The following AP3S2 variants were observed in gnomAD, a reference collection of about 807,000 sequenced individuals.
The protein encoded by AP3S2 is adaptor related protein complex 3 subunit sigma 2.
Under a neutral mutation model 23.4 loss-of-function variants are expected in AP3S2, and 22 were observed. That is an observed-to-expected ratio of 0.94 (90% confidence interval 0.67 to 1.34). The LOEUF (loss-of-function observed/expected upper bound fraction) is 1.34, where lower values mean the gene tolerates loss of function less well. Among genes scored for constraint, AP3S2 ranks in the 40% most tolerant of loss-of-function variants. The pLI, the probability that AP3S2 is intolerant of heterozygous loss-of-function variation, is 0.00. For synonymous variants in AP3S2, 86 were observed against 87.1 expected (o/e 0.99, Z 0.07); for missense variants, 241 against 236.9 (o/e 1.02, Z -0.11).
intron 3 of AP3S2, among the ~76,000 whole-genome samples, chr15:89,871,768 T>C (rs1187962365): frequency 6.6e-6 from 1 of 152,182 alleles, no homozygotes; most frequent in African/African-American, 2.4e-5. Context: ...GTTTTCAGCA[T>C]AGCAACACAA....
At chr15:89,849,752 A>C (rs189363950) in intron 4 of AP3S2, among the ~76,000 whole-genome samples, 2 of 152,136 alleles carry the variant, frequency 1.3e-5, no homozygotes, top group East Asian at 3.9e-4. Context: ...ATAGCTATAC[A>C]CGTGCCATGG....
intron 4 of AP3S2, among the ~76,000 whole-genome samples, chr15:89,859,433 G>A (rs1298879817): frequency 2.2e-4 from 25 of 113,590 alleles, no homozygotes; most frequent in African/African-American, 8.5e-4. Context: ...CTGCTCTGTC[G>A]CCCAGGCTGG....
At chr15:89,859,866 C>T (rs947002004) in intron 4 of AP3S2, among the ~76,000 whole-genome samples, 1 of 151,236 alleles carries the variant, frequency 6.6e-6, no homozygotes, top group Non-Finnish European at 1.5e-5. Flanking sequence ...AGGGTTCATG[C>T]CATTCTCCTG....
chr15:89,844,211 C>T (rs866721735), intron 4 of AP3S2, among the ~76,000 whole-genome samples: 1 of 9,566 alleles, frequency 1.0e-4, no homozygotes, highest in African/African-American at 3.2e-4. Flanking sequence ...CTTTCTTTCT[C>T]TTTCTTTCTT....
chr15:89,868,039 C>T (rs1347492827), intron 4 of AP3S2, among the ~76,000 whole-genome samples: 2 of 129,254 alleles, frequency 1.5e-5, no homozygotes, highest in Admixed American at 7.3e-5. Flanking sequence ...AGGTGAGGGG[C>T]GCCTCTGCCC....
rs564543412 is a variant in AP3S2 at position 89,843,231 on chromosome 15, G to A, written c.346-5509C>T. On this transcript the variant is annotated intron_variant, in intron 4 of 5. Coordinates refer to ENST00000336418, the MANE Select transcript of AP3S2 (RefSeq NM_005829.5). The stretch of plus-strand genomic sequence containing the variant: ...ACTCCCAAACTCAGGTGATCCGTCC[G>A]CCTTGGCCTCCCAAAGTGCTGGGAT... 1.1e-3 allele frequency among the ~76,000 whole-genome samples: 161 copies of A among 148,670 alleles called. 1 individual carries two copies. The highest frequency in any genetic ancestry group is 3.6e-3 in the African/African-American group (146 of 40,482).
At chr15:89,871,966 G>T (rs1896329554) in intron 3 of AP3S2, among the ~76,000 whole-genome samples, 1 of 151,906 alleles carries the variant, frequency 6.6e-6, no homozygotes. Context: ...AAAATTATCT[G>T]GGTGTGGCGA....
chr15:89,882,743 T>G (rs1896601940), intron 3 of AP3S2, among the ~76,000 whole-genome samples: 1 of 152,216 alleles, frequency 6.6e-6, no homozygotes, highest in Non-Finnish European at 1.5e-5. Context: ...TCCAACTGAT[T>G]TGGATTTTCT....
chr15:89,887,952 T>C (rs1244791660), intron 3 of AP3S2, among the ~76,000 whole-genome samples: 3 of 152,260 alleles, frequency 2.0e-5, no homozygotes, highest in Non-Finnish European at 4.4e-5. Flanking sequence ...ATTATAGGCA[T>C]GAGCCTATAA....
At chr15:89,862,142 G>A (rs1896021628) in intron 4 of AP3S2, among the ~76,000 whole-genome samples, 2 of 152,108 alleles carry the variant, frequency 1.3e-5, no homozygotes, top group African/African-American at 4.8e-5. Flanking sequence ...ACTAATTTCA[G>A]TATGTGGGAT....
At chr15:89,868,274 C>T (rs1483058720) in intron 4 of AP3S2, among the ~76,000 whole-genome samples, 9 of 65,816 alleles carry the variant, frequency 1.4e-4, no homozygotes, top group African/African-American at 5.1e-4. Context: ...GCGCCTCTGC[C>T]CGGCCGCCCC....
rs1023972610 is a variant in AP3S2, at chr15:89,832,249, A to G, written c.*3266T>C. 1 of 152,202 alleles carries G rather than the reference A, an allele frequency of 6.6e-6. No individual in the cohort carries two copies. The highest frequency in any genetic ancestry group is 1.5e-5 in the Non-Finnish European group (1 of 68,050). The allele number at this position is 152,202 out of a possible 1,614,324, so 9.4% of individuals were successfully genotyped here. On this transcript the variant is annotated 3_prime_UTR_variant, in exon 6 of 6. Transcript: ENST00000336418. The stretch of plus-strand genomic sequence containing the variant: ...GGCTTGAGGTAAGGAGTTAGAGACC[A>G]GCCTGTGCAACATAGTGAGACCTTA...
chr15:89,858,047 C>T (rs1413809629), intron 4 of AP3S2, among the ~76,000 whole-genome samples: 1 of 152,152 alleles, frequency 6.6e-6, no homozygotes, highest in Non-Finnish European at 1.5e-5. Flanking sequence ...AAACCTTGCT[C>T]TCATAAGCCA....
chr15:89,888,795 A>T, intron 2 of AP3S2, 163 bp from the exon 3 acceptor site: 2 of 825,248 alleles, frequency 2.4e-6, no homozygotes, highest in Non-Finnish European at 3.7e-6. Context: ...TGGCAGAGGT[A>T]CCTAAAGCCA....
intron 2 of AP3S2, 91 bp from the exon 3 acceptor site, chr15:89,888,723 G>A: frequency 8.0e-6 from 11 of 1,369,322 alleles, no homozygotes; most frequent in East Asian, 2.4e-5. Flanking sequence ...AGGACCCACT[G>A]GAAAGGAGAA....
At chr15:89,872,981 C>G (rs1896355566) in intron 3 of AP3S2, among the ~76,000 whole-genome samples, 2 of 152,166 alleles carry the variant, frequency 1.3e-5, no homozygotes, top group Non-Finnish European at 2.9e-5. Context: ...TCCCAGATAA[C>G]ATATCTAACA....
At position 89,831,478 on chromosome 15, in the gene AP3S2, T is replaced by C. The variant is rs762559573; in HGVS notation, c.*4037A>G. ...TCTCCAGTTTGGCTATTGCTAAACT[T>C]GGACTAGCCCCTACTACCGATCTTA... On this transcript the variant is annotated 3_prime_UTR_variant, in exon 6 of 6. Coordinates refer to ENST00000336418, the MANE Select transcript of AP3S2 (RefSeq NM_005829.5). 1 of 152,270 alleles carries C rather than the reference T, an allele frequency of 6.6e-6. No homozygotes were observed. The highest frequency in any genetic ancestry group is 1.5e-5 in the Non-Finnish European group (1 of 68,050). 9.4% of individuals were successfully genotyped at this position (152,270 alleles called of 1,614,324 possible). A position where few individuals can be genotyped will look rare whatever the true frequency, so the allele number is the denominator to read the frequency against.
intron 4 of AP3S2, among the ~76,000 whole-genome samples, chr15:89,851,737 C>A (rs566286498): frequency 6.6e-6 from 1 of 152,184 alleles, no homozygotes; most frequent in East Asian, 1.9e-4. Flanking sequence ...ATACTCACTA[C>A]ATATTATTAC....
chr15:89,860,361 G>A (rs919123100), intron 4 of AP3S2, among the ~76,000 whole-genome samples: 1 of 152,132 alleles, frequency 6.6e-6, no homozygotes, highest in African/African-American at 2.4e-5. Flanking sequence ...GGGCCATTAT[G>A]AAGTAAAATA....
Sources: gnomAD v4.1 joint callset for allele counts (sites outside exome capture counted in the v4.1 genomes callset) on GRCh38, gnomAD v4.1.1 for gene constraint, MANE v1.5 for transcripts, NCBI Gene and HGNC (gene_info 2026-07-23, HGNC 2026-07-21) for gene names.